The following CWF19L2 variants were observed in gnomAD, a reference collection of about 807,000 sequenced individuals.
CWF19L2 encodes the protein CWF19 like cell cycle control factor 2.
CWF19L2 carries 98 observed loss-of-function variants against 111.7 expected under a neutral mutation model. That is an observed-to-expected ratio of 0.88 (90% CI 0.75 to 1.04). CWF19L2 has a LOEUF of 1.04. Among genes scored for constraint, CWF19L2 ranks in the 50% least tolerant of loss-of-function variants. CWF19L2 has a pLI of 0.00. For synonymous variants in CWF19L2, 351 were observed against 342.9 expected (o/e 1.02, Z -0.26); for missense variants, 1,101 against 1,051.4 (o/e 1.05, Z -0.65).
chr11:107,442,817 A>AGGGAGGGG, intron 4 of CWF19L2, 122 bp downstream of exon 4: 2 of 384,788 alleles, frequency 5.2e-6, no homozygotes, highest in Admixed American at 4.8e-5. Flanking sequence ...GGAGGGAGGG[A>AGGGAGGGG]GGGGGAGGGA....
intron 12 of CWF19L2, among the ~76,000 whole-genome samples, chr11:107,386,486 C>T (rs571406738): frequency 3.7e-4 from 56 of 152,218 alleles, no homozygotes; most frequent in African/African-American, 1.3e-3. Flanking sequence ...CCAAGAAAAA[C>T]CCATAGTTAT....
intron 10 of CWF19L2, among the ~76,000 whole-genome samples, chr11:107,402,834 T>C (rs1272372): frequency 0.14 from 18,036 of 132,606 alleles, 1,699 homozygotes; most frequent in Middle Eastern, 0.22. Context: ...CCAACCCAAA[T>C]GCCCATCAAT....
chr11:107,421,005 G>C (rs939030002), intron 8 of CWF19L2, among the ~76,000 whole-genome samples: 15 of 152,120 alleles, frequency 9.9e-5, no homozygotes, highest in African/African-American at 3.6e-4. Context: ...TTCTTTCCAA[G>C]TGCATACAAA....
chr11:107,360,278 AAAAAAC>A (rs532497491), intron 12 of CWF19L2, among the ~76,000 whole-genome samples: 2,006 of 152,268 alleles, frequency 0.013, 25 homozygotes, highest in South Asian at 0.04. Context: ...ATGTTGCAGC[AAAAAAC>A]AAAAACAAAA....
chr11:107,457,775 A>G lies in CWF19L2; in HGVS notation c.42T>C (p.Ser14=). Residue 14 remains serine (S), a synonymous_variant, in exon 1 of 18, where the codon AGT becomes AGC. Coordinates refer to ENST00000282251, the MANE Select transcript of CWF19L2 (RefSeq NM_152434.3). ...SMAAASGRFE[S]AKSIEERKEQ... Reference sequence around the variant, plus strand: ...CTTTCCGCTCTTCGATACTCTTCGCACTTTCAAATCTACCACTAGCAGCCG... The same window carrying G: ...CTTTCCGCTCTTCGATACTCTTCGCGCTTTCAAATCTACCACTAGCAGCCG... 1.3e-6 allele frequency: 2 copies of G among 1,551,766 alleles called. No homozygotes were observed. The highest frequency in any genetic ancestry group is 1.7e-6 in the Non-Finnish European group (2 of 1,147,004).
intron 12 of CWF19L2, among the ~76,000 whole-genome samples, chr11:107,361,629 T>A (rs1026747910): frequency 1.3e-5 from 2 of 152,246 alleles, no homozygotes; most frequent in Admixed American, 6.5e-5. Context: ...TTTCCATTTA[T>A]TTGTGTCATC....
intron 10 of CWF19L2, among the ~76,000 whole-genome samples, chr11:107,400,421 A>G (rs2135383938): frequency 6.6e-6 from 1 of 152,304 alleles, no homozygotes; most frequent in East Asian, 1.9e-4. Context: ...AGATCATTCA[A>G]AGCTACTATG....
chr11:107,402,953 T>C (rs905424789), intron 10 of CWF19L2, among the ~76,000 whole-genome samples: 41 of 146,420 alleles, frequency 2.8e-4, no homozygotes, highest in African/African-American at 1.0e-3. Context: ...GCATTTGTGA[T>C]GACCTGGATG....
intron 6 of CWF19L2, among the ~76,000 whole-genome samples, chr11:107,438,552 T>C (rs1196539933): frequency 2.6e-5 from 4 of 152,204 alleles, no homozygotes; most frequent in Admixed American, 2.0e-4. Context: ...TACTTTGTAT[T>C]AATCCAGTTT....
intron 12 of CWF19L2, among the ~76,000 whole-genome samples, chr11:107,360,560 T>C (rs1860311570): frequency 6.6e-6 from 1 of 152,178 alleles, no homozygotes; most frequent in Non-Finnish European, 1.5e-5. Flanking sequence ...GAAATCTCCA[T>C]ACCGTTTTCC....
chr11:107,354,141 A>AT (rs1279620994), intron 12 of CWF19L2, among the ~76,000 whole-genome samples: 1 of 151,442 alleles, frequency 6.6e-6, no homozygotes, highest in Non-Finnish European at 1.5e-5. Flanking sequence ...TACCTTCTCC[A>AT]TATCTCTCCC....
chr11:107,333,953 C>T (rs1859885740), intron 16 of CWF19L2, among the ~76,000 whole-genome samples: 1 of 152,188 alleles, frequency 6.6e-6, no homozygotes, highest in East Asian at 1.9e-4. Flanking sequence ...CTCAAATCTG[C>T]CCTTGTACCA....
At chr11:107,448,020 T>G (rs1280022510) in intron 3 of CWF19L2, among the ~76,000 whole-genome samples, 3 of 151,894 alleles carry the variant, frequency 2.0e-5, no homozygotes, top group African/African-American at 7.2e-5. Context: ...TGTCACTGGA[T>G]AGGGATAACA....
At chr11:107,394,357 T>C (rs1179366247) in intron 10 of CWF19L2, among the ~76,000 whole-genome samples, 3 of 152,160 alleles carry the variant, frequency 2.0e-5, no homozygotes, top group East Asian at 3.9e-4. Flanking sequence ...ATAGTAGAGA[T>C]AGGCAACACA....
Position 107,332,446 on chromosome 11 carries a change from G to A in CWF19L2, c.2440-2427C>T, listed in dbSNP as rs1186680116. Among the ~76,000 whole-genome samples, 5 of 151,562 alleles carry A rather than the reference G, an allele frequency of 3.3e-5. 1 individual carries two copies. Among genetic ancestry groups the A allele is most frequent in the Non-Finnish European group, 7.4e-5 (5 of 67,936 alleles). On this transcript the variant is annotated intron_variant, in intron 16 of 17. Transcript: ENST00000282251. ...AAAATGAACAAAATGGGCAGATAAA[G>A]AGAAGCTTACCTTCATACAGCAAAG... is the stretch of plus-strand genomic sequence containing the variant.
chr11:107,424,000 G>A (rs188194728), intron 8 of CWF19L2, among the ~76,000 whole-genome samples: 89 of 151,654 alleles, frequency 5.9e-4, no homozygotes, highest in African/African-American at 2.1e-3. Flanking sequence ...AGCTTCTCAT[G>A]AAGAACTAGA....
At chr11:107,403,873 C>A in intron 10 of CWF19L2, 1 of 795,472 alleles carries the variant, frequency 1.3e-6, no homozygotes, top group Non-Finnish European at 2.2e-6. Flanking sequence ...TCCTCTTCTC[C>A]TCCTGTATTT....
At chr11:107,382,602 A>G (rs761620988) in intron 12 of CWF19L2, among the ~76,000 whole-genome samples, 1 of 152,276 alleles carries the variant, frequency 6.6e-6, no homozygotes, top group African/African-American at 2.4e-5. Context: ...ATAAAGTAAC[A>G]TAACATAGTA....
At chr11:107,374,459 C>A (rs1860565976) in intron 12 of CWF19L2, among the ~76,000 whole-genome samples, 2 of 132,446 alleles carry the variant, frequency 1.5e-5, no homozygotes, top group Non-Finnish European at 3.2e-5. Context: ...GAGTGGGGGC[C>A]AATATTCAAC....
Sources: allele counts gnomAD v4.1 joint callset (sites outside exome capture counted in the v4.1 genomes callset), GRCh38; gene constraint gnomAD v4.1.1; transcripts MANE v1.5; gene names NCBI Gene and HGNC (gene_info 2026-07-23, HGNC 2026-07-21).